The following SMAD3 variants were observed in gnomAD, a reference collection of about 807,000 sequenced individuals.
SMAD3 encodes the protein MAD homolog 3.
A neutral mutation model predicts 51.8 loss-of-function variants in SMAD3; 12 were observed. The ratio of observed to expected loss-of-function variants is 0.23; its 90% confidence interval spans 0.15 to 0.38. The LOEUF (loss-of-function observed/expected upper bound fraction) is 0.38. Ranked by LOEUF, SMAD3 falls within the 10% of genes least tolerant of loss-of-function variation. The probability of loss-of-function intolerance (pLI) is 1.00; values close to 1 mark genes in which losing one functional copy is unlikely to be tolerated. For missense variants in SMAD3, 294 were observed against 565.6 expected, an observed-to-expected ratio of 0.52 and a Z score of 4.87; for synonymous variants, 238 against 227.7, an observed-to-expected ratio of 1.05 and a Z score of -0.41.
chr15:67,158,499 A>T (rs1433656862), intron 1 of SMAD3, among the ~76,000 whole-genome samples: 2 of 152,258 alleles, frequency 1.3e-5, no homozygotes, highest in African/African-American at 4.8e-5. Context: ...CTGCCAAGCC[A>T]GACTGGCGGT....
chr15:67,166,775 C>T lies in SMAD3; in HGVS notation c.533-4C>T. 6.3e-7 allele frequency: 1 copy of T among 1,586,026 alleles called. No homozygotes were observed. Among genetic ancestry groups the T allele is most frequent in the Non-Finnish European group, 8.6e-7 (1 of 1,165,224 alleles). Reference sequence around the variant, plus strand: ...TAACAGACCACCTTCCTTCTGATTCCCAGAGACCCCACCCCCTGGCTACCT... The same window carrying T: ...TAACAGACCACCTTCCTTCTGATTCTCAGAGACCCCACCCCCTGGCTACCT... On this transcript the variant is annotated splice_polypyrimidine_tract_variant and splice_region_variant and intron_variant, in intron 3 of 8. Coordinates refer to ENST00000327367, the MANE Select transcript of SMAD3 (RefSeq NM_005902.4).
At chr15:67,081,762 A>T (rs1960284249) in intron 1 of SMAD3, among the ~76,000 whole-genome samples, 2 of 152,138 alleles carry the variant, frequency 1.3e-5, no homozygotes, top group African/African-American at 4.8e-5. Context: ...CTTTAGGAAG[A>T]AAACCTTCCC....
In SMAD3 at chr15:67,190,550, G is replaced by C; in HGVS notation, c.*14G>C. On this transcript the variant is annotated 3_prime_UTR_variant, in exon 9 of 9. Coordinates refer to ENST00000327367, the MANE Select transcript of SMAD3 (RefSeq NM_005902.4). The stretch of plus-strand genomic sequence containing the variant: ...AGTGTGTCTTAGAGACATCAAGTAT[G>C]GTAGGGGAGGGCAGGCTTGGGGAAA... 1.2e-6 allele frequency: 2 copies of C among 1,613,836 alleles called. No homozygotes were observed. The highest frequency in any genetic ancestry group is 1.7e-6 in the Non-Finnish European group (2 of 1,179,872).
At chr15:67,109,082 C>G (rs936567755) in intron 1 of SMAD3, among the ~76,000 whole-genome samples, 1 of 152,198 alleles carries the variant, frequency 6.6e-6, no homozygotes, top group Admixed American at 6.5e-5. Context: ...GCACCTAGCA[C>G]GGTGCCTGAT....
Position 67,184,270 on chromosome 15 carries a change from T to TA in SMAD3, c.872-447dup, listed in dbSNP as rs368205462. 1.2e-3 allele frequency among the ~76,000 whole-genome samples: 173 copies of TA among 149,040 alleles called. 2 individuals carry two copies. In the South Asian group the frequency reaches 0.018, roughly 15 times the overall value. Reference sequence around the variant, plus strand: ...GGATATGCCACTATGCCCAGTTAATTAAAAAAAAAATGTTTTTGTAGAGAT... The same window carrying TA: ...GGATATGCCACTATGCCCAGTTAATTAAAAAAAAAAATGTTTTTGTAGAGAT... On this transcript the variant is annotated intron_variant, in intron 6 of 8. Coordinates refer to ENST00000327367, the MANE Select transcript of SMAD3 (RefSeq NM_005902.4).
At chr15:67,068,775 T>G (rs1326373005) in intron 1 of SMAD3, among the ~76,000 whole-genome samples, 1 of 152,196 alleles carries the variant, frequency 6.6e-6, no homozygotes, top group Non-Finnish European at 1.5e-5. Flanking sequence ...GCTGCTGTTT[T>G]GGTCGTGGGC....
chr15:67,091,605 C>T (rs185130061), intron 1 of SMAD3, among the ~76,000 whole-genome samples: 168 of 152,304 alleles, frequency 1.1e-3, no homozygotes, highest in Non-Finnish European at 1.9e-3. Flanking sequence ...ACCTTTTTCA[C>T]GTAAAGACTC....
intron 1 of SMAD3, among the ~76,000 whole-genome samples, chr15:67,123,188 C>CAAAAA (rs34458678): frequency 2.1e-5 from 2 of 93,794 alleles, no homozygotes; most frequent in African/African-American, 8.5e-5. Context: ...GACCCTGTCT[C>CAAAAA]AAAAAAAAAA....
rs188958862 is a variant in SMAD3 at position 67,139,230 on chromosome 15, T to C, written c.207-25665T>C. On this transcript the variant is annotated intron_variant, in intron 1 of 8. Coordinates refer to ENST00000327367, the MANE Select transcript of SMAD3 (RefSeq NM_005902.4). ...GATCTTGAGGATTTTAAGAACCAGA[T>C]TTCTTCTCTTTGCTCACATTAGGGG... is the stretch of plus-strand genomic sequence containing the variant. Among the ~76,000 whole-genome samples, 27 of 152,288 alleles carry C rather than the reference T, an allele frequency of 1.8e-4. 1 individual carries two copies. Among genetic ancestry groups the C allele is most frequent in the Admixed American group, 1.7e-3 (26 of 15,302 alleles).
At chr15:67,092,444 T>C (rs1053994485) in intron 1 of SMAD3, among the ~76,000 whole-genome samples, 1 of 152,192 alleles carries the variant, frequency 6.6e-6, no homozygotes, top group East Asian at 1.9e-4. Context: ...GCCAGCAGCG[T>C]CAGCATCACC....
At chr15:67,175,303 C>G (rs931175380) in intron 5 of SMAD3, among the ~76,000 whole-genome samples, 8 of 152,138 alleles carry the variant, frequency 5.3e-5, no homozygotes, top group Admixed American at 5.2e-4. Context: ...TCCAGAGTGC[C>G]AGTGGCAGGA....
chr15:67,146,312 A>G (rs1300693104), intron 1 of SMAD3, among the ~76,000 whole-genome samples: 1 of 152,264 alleles, frequency 6.6e-6, no homozygotes, highest in African/African-American at 2.4e-5. Flanking sequence ...GGCCTGTAGT[A>G]AACACAGACT....
intron 5 of SMAD3, among the ~76,000 whole-genome samples, chr15:67,180,517 G>C (rs548283920): frequency 6.7e-6 from 1 of 148,936 alleles, no homozygotes; most frequent in Non-Finnish European, 1.5e-5. Flanking sequence ...AGAAGGGTTT[G>C]TGTCCGAGCC....
At chr15:67,165,955 C>G (rs1228613977) in intron 3 of SMAD3, 1 of 163,042 alleles carries the variant, frequency 6.1e-6, no homozygotes, top group Non-Finnish European at 1.3e-5. Context: ...ATCACCAGCA[C>G]TTTCAGACTC....
intron 1 of SMAD3, among the ~76,000 whole-genome samples, chr15:67,070,926 G>A (rs896369165): frequency 6.6e-5 from 10 of 152,078 alleles, no homozygotes; most frequent in Admixed American, 4.6e-4. Flanking sequence ...CAGAGAATTT[G>A]ACAGGTATGT....
chr15:67,128,949 A>G (rs1037232469), intron 1 of SMAD3, among the ~76,000 whole-genome samples: 49 of 152,162 alleles, frequency 3.2e-4, no homozygotes, highest in African/African-American at 1.1e-3. Context: ...CAGAGTGTTG[A>G]GTGCGTGGTG....
chr15:67,164,744 C>G, intron 1 of SMAD3, 151 bp from the exon 2 acceptor site: 1 of 842,504 alleles, frequency 1.2e-6, no homozygotes, highest in Admixed American at 1.7e-5. Flanking sequence ...GCACTCTCAG[C>G]TAGCAGTGCT....
At chr15:67,073,013 C>A (rs541933856) in intron 1 of SMAD3, among the ~76,000 whole-genome samples, 1 of 152,232 alleles carries the variant, frequency 6.6e-6, no homozygotes, top group Admixed American at 6.5e-5. Context: ...GATACTGTCC[C>A]TGGTGCCTTC....
At chr15:67,137,136 C>T (rs556996595) in intron 1 of SMAD3, among the ~76,000 whole-genome samples, 8 of 152,270 alleles carry the variant, frequency 5.3e-5, no homozygotes, top group East Asian at 1.9e-4. Flanking sequence ...GAGCAGGCTG[C>T]GTTTGTGGTT....
Sources: gnomAD v4.1 joint callset for allele counts (sites outside exome capture counted in the v4.1 genomes callset) on GRCh38, gnomAD v4.1.1 for gene constraint, MANE v1.5 for transcripts, NCBI Gene and HGNC (gene_info 2026-07-23, HGNC 2026-07-21) for gene names.